HNRNPA2B1: variants seen among roughly 807,000 people sequenced by gnomAD.
The protein encoded by HNRNPA2B1 is heterogeneous nuclear ribonucleoprotein A2/B1.
HNRNPA2B1 carries 3 observed loss-of-function variants against 46.3 expected under a neutral mutation model. The observed-to-expected ratio is 0.06, with a 90% CI of 0.03 to 0.17. The LOEUF is 0.17. Ranked by LOEUF, HNRNPA2B1 falls within the 10% of genes least tolerant of loss-of-function variation. HNRNPA2B1 has a pLI of 1.00. For missense variants in HNRNPA2B1, 221 were observed against 418.9 expected, an observed-to-expected ratio of 0.53 and a Z score of 4.12; for synonymous variants, 225 against 133.8, an observed-to-expected ratio of 1.68 and a Z score of -4.70.
intron 1 of HNRNPA2B1, 93 bp downstream of exon 1, chr7:26,200,477 CCT>C (rs1186828018): frequency 1.7e-5 from 22 of 1,264,158 alleles, no homozygotes; most frequent in African/African-American, 1.3e-4. Context: ...CGATTTCCTG[CCT>C]CTCTCCCACG....
chr7:26,194,538 C>CAA lies in HNRNPA2B1; in HGVS notation c.722-846_722-845dup, dbSNP rs35740518. Among the ~76,000 whole-genome samples the CAA allele has an allele frequency of 3.8e-3, 575 of 151,020 alleles. 1 individual carries two copies. The highest frequency in any genetic ancestry group is 0.013 in the African/African-American group (537 of 41,036). Reference sequence around the variant, plus strand: ...ACACAGCAAAACCCCCACACCTCTACAAAAAAACACAAAATTAGCCGGTCA... The same window carrying CAA: ...ACACAGCAAAACCCCCACACCTCTACAAAAAAAAACACAAAATTAGCCGGTCA... On this transcript the variant is annotated intron_variant, in intron 7 of 10. Transcript: ENST00000618183.
At chr7:26,194,191 T>C (rs1219979505) in intron 7 of HNRNPA2B1, among the ~76,000 whole-genome samples, 1 of 152,112 alleles carries the variant, frequency 6.6e-6, no homozygotes. Flanking sequence ...GGTCAAGAGA[T>C]TGAGACCACC....
At chr7:26,198,152 A>T (rs1487024048) in intron 1 of HNRNPA2B1, 1 of 286,194 alleles carries the variant, frequency 3.5e-6, no homozygotes, top group East Asian at 6.4e-5. Flanking sequence ...ATTTTTAAAC[A>T]TCAGAAAATA....
rs572449829 is a variant in HNRNPA2B1 at position 26,190,823 on chromosome 7, T to C, written c.*1537A>G. The C allele has an allele frequency of 4.1e-4, 62 of 152,554 alleles. 1 individual carries two copies. Among genetic ancestry groups the C allele is most frequent in the African/African-American group, 1.4e-3 (60 of 41,574 alleles). The allele number at this position is 152,554 out of a possible 1,614,324, so 9.5% of individuals were successfully genotyped here. On this transcript the variant is annotated 3_prime_UTR_variant, in exon 11 of 11. Transcript: ENST00000618183. ...TCAACCATTTTTGCCCTACCTTCTT[T>C]CAGTCTCATCCTGATAAGCATGTAC...
At position 26,191,174 on chromosome 7, in the gene HNRNPA2B1, C is replaced by T. The variant is rs1782871835; in HGVS notation, c.*1186G>A. ...AAAATGATATGTTAAGCACCCAAAT[C>T]TTCACATGGAGGGGGAGGGGGTGGG... On this transcript the variant is annotated 3_prime_UTR_variant, in exon 11 of 11. Coordinates refer to ENST00000618183, the MANE Select transcript of HNRNPA2B1 (RefSeq NM_002137.4). 6.9e-6 allele frequency: 1 copy of T among 145,500 alleles called. No individual in the cohort carries two copies. The highest frequency in any genetic ancestry group is 1.5e-5 in the Non-Finnish European group (1 of 66,768). 9.0% of individuals were successfully genotyped at this position (145,500 alleles called of 1,614,324 possible). A position where few individuals can be genotyped will look rare whatever the true frequency, so the allele number is the denominator to read the frequency against.
intron 1 of HNRNPA2B1, chr7:26,198,860 C>T (rs905651260): frequency 5.3e-5 from 8 of 152,216 alleles, no homozygotes; most frequent in African/African-American, 9.6e-5. Context: ...CTGCTCTCAT[C>T]CCAGTTCTAC....
chr7:26,195,235 G>A (rs1189799886), intron 7 of HNRNPA2B1, among the ~76,000 whole-genome samples: 1 of 150,664 alleles, frequency 6.6e-6, no homozygotes, highest in Non-Finnish European at 1.5e-5. Context: ...ACACTATTTA[G>A]TCATGCCTAT....
intron 1 of HNRNPA2B1, chr7:26,199,262 G>A (rs1263711396): frequency 3.9e-5 from 6 of 152,550 alleles, no homozygotes; most frequent in South Asian, 2.1e-4. Flanking sequence ...CGTGCTTAGG[G>A]TCAAAGAAAA....
chr7:26,197,936 CA>C (rs1783831732), intron 1 of HNRNPA2B1: 3 of 1,002,342 alleles, frequency 3.0e-6, no homozygotes, highest in Non-Finnish European at 2.8e-6. Context: ...TGTGTTACAC[CA>C]AAAAATTGCC....
chr7:26,195,809 A>T, intron 7 of HNRNPA2B1, 38 bp downstream of exon 7: 1 of 1,599,938 alleles, frequency 6.3e-7, no homozygotes, highest in Non-Finnish European at 8.5e-7. Context: ...GTTAAGTATT[A>T]GTCACATAAA....
At chr7:26,197,933 C>CGACG in intron 1 of HNRNPA2B1, 1 of 1,131,128 alleles carries the variant, frequency 8.8e-7, no homozygotes, top group Non-Finnish European at 1.2e-6. Context: ...AGTTGTGTTA[C>CGACG]ACCAAAAAAT....
chr7:26,192,983 C>T (rs1385350966), intron 9 of HNRNPA2B1, among the ~76,000 whole-genome samples: 4 of 152,134 alleles, frequency 2.6e-5, no homozygotes, highest in Non-Finnish European at 5.9e-5. Context: ...ATGTGGGTTG[C>T]AACTGTATTT....
chr7:26,196,677 ACTC>A lies in HNRNPA2B1; in HGVS notation c.476-22_476-20del, dbSNP rs1783676116. The A allele has an allele frequency of 4.4e-6, 7 of 1,598,406 alleles. No individual in the cohort carries two copies. Among genetic ancestry groups the A allele is most frequent in the Non-Finnish European group, 6.0e-6 (7 of 1,167,824 alleles). On this transcript the variant is annotated intron_variant, in intron 4 of 10. Transcript: ENST00000618183. ...TTCTGCACTGGAATGAAAAATTCAGACTCCTTTTAAATTAAATCAACAATATTA... is the reference window on the plus strand; with the variant it reads ...TTCTGCACTGGAATGAAAAATTCAGACTTTTAAATTAAATCAACAATATTA...
rs1782799264 is a variant in HNRNPA2B1, at chr7:26,190,644, A to G, written c.*1716T>C. ...CAAACTGATCATATCTAAGGAATGA[A>G]TTTCAACAGCCAACCTACAACTTTC... On this transcript the variant is annotated 3_prime_UTR_variant, in exon 11 of 11. Transcript: ENST00000618183. 1 of 152,218 alleles carries G rather than the reference A, an allele frequency of 6.6e-6. No individual in the cohort carries two copies. Among genetic ancestry groups the G allele is most frequent in the Admixed American group, 6.5e-5 (1 of 15,284 alleles). The allele number at this position is 152,218 out of a possible 1,614,324, so 9.4% of individuals were successfully genotyped here.
At chr7:26,197,591 A>G in intron 2 of HNRNPA2B1, 31 bp downstream of exon 2, 1 of 1,574,968 alleles carries the variant, frequency 6.3e-7, no homozygotes, top group Non-Finnish European at 8.7e-7. Flanking sequence ...TAAAAGACTA[A>G]TATCCAGTAA....
At chr7:26,193,159 C>T (rs1783105775) in intron 9 of HNRNPA2B1, 92 bp downstream of exon 9, 3 of 1,299,412 alleles carry the variant, frequency 2.3e-6, no homozygotes, top group African/African-American at 1.5e-5. Context: ...GCCCACAGTA[C>T]AAACTACTTA....
In HNRNPA2B1 at chr7:26,193,215, A is replaced by G. The variant is rs766052547; in HGVS notation, c.964+36T>C. 10 of 1,596,086 alleles carry G rather than the reference A, an allele frequency of 6.3e-6. No homozygotes were observed. In the East Asian group the frequency reaches 2.0e-4, roughly 32 times the overall value. On this transcript the variant is annotated intron_variant, in intron 9 of 10. Coordinates refer to ENST00000618183, the MANE Select transcript of HNRNPA2B1 (RefSeq NM_002137.4). ...GTCACAAAAGGCTAATCCTTTAATC[A>G]CAAAAATCTGAATAACCTCAATTTT...
intron 1 of HNRNPA2B1, 63 bp downstream of exon 1, chr7:26,200,509 C>A (rs555606857): frequency 6.4e-7 from 1 of 1,574,284 alleles, no homozygotes; most frequent in African/African-American, 1.3e-5. Flanking sequence ...GGCCGACTTC[C>A]ACTGAGGCGC....
intron 1 of HNRNPA2B1, chr7:26,198,217 A>G (rs930875173): frequency 1.1e-5 from 2 of 185,860 alleles, no homozygotes; most frequent in Non-Finnish European, 2.2e-5. Flanking sequence ...TCAATATCTG[A>G]AAAGTATCAT....
Sources: gnomAD v4.1 joint callset for allele counts (sites outside exome capture counted in the v4.1 genomes callset) on GRCh38, gnomAD v4.1.1 for gene constraint, MANE v1.5 for transcripts, NCBI Gene and HGNC (gene_info 2026-07-23, HGNC 2026-07-21) for gene names.